Variants in UGT1A5 observed in about 807,000 individuals in gnomAD.
UGT1A5 encodes UDP glucuronosyltransferase family 1 member A5.
UGT1A5 carries 29 observed loss-of-function variants against 40.3 expected under a neutral mutation model. That is an observed-to-expected ratio of 0.72 (90% CI 0.54 to 0.98). The LOEUF (loss-of-function observed/expected upper bound fraction) is 0.98, where lower values mean the gene tolerates loss of function less well. Ranked by LOEUF, UGT1A5 falls within the 50% of genes least tolerant of loss-of-function variation. UGT1A5 has a pLI of 0.00. For synonymous variants in UGT1A5, 257 were observed against 262.5 expected, an observed-to-expected ratio of 0.98 and a Z score of 0.20; for missense variants, 678 against 677.9, an observed-to-expected ratio of 1.00 and a Z score of 0.00.
intron 1 of UGT1A5, among the ~76,000 whole-genome samples, chr2:233,745,757 G>C (rs1464205566): frequency 6.7e-6 from 1 of 150,374 alleles, no homozygotes; most frequent in Non-Finnish European, 1.5e-5. Context: ...AGCAGAAGGG[G>C]TGGAGAGGAG....
intron 1 of UGT1A5, among the ~76,000 whole-genome samples, chr2:233,726,265 C>T (rs569256499): frequency 2.6e-5 from 4 of 152,302 alleles, no homozygotes; most frequent in East Asian, 1.9e-4. Context: ...CAGTGGCATG[C>T]GCCTATGGTC....
At chr2:233,746,881 A>T (rs1422259027) in intron 1 of UGT1A5, among the ~76,000 whole-genome samples, 1 of 151,740 alleles carries the variant, frequency 6.6e-6, no homozygotes, top group Non-Finnish European at 1.5e-5. Context: ...TGGTTAACAG[A>T]GAAGTAGGAG....
At chr2:233,767,811 GTTCT>G (rs753422454) in intron 2 of UGT1A5, 34 bp from the exon 3 acceptor site, 1 of 1,614,124 alleles carries the variant, frequency 6.2e-7, no homozygotes, top group South Asian at 1.1e-5. Flanking sequence ...ATCATATTAT[GTTCT>G]TTCTTTACGT....
chr2:233,766,892 A>G (rs576495684), intron 1 of UGT1A5, 142 bp from the exon 2 acceptor site: 332 of 1,471,416 alleles, frequency 2.3e-4, no homozygotes, highest in Admixed American at 7.8e-4. Context: ...AAACTTACAT[A>G]TTAATAATTT....
chr2:233,713,072 G>C lies in UGT1A5; in HGVS notation c.81G>C (p.Glu27Asp), dbSNP rs2076275928. The C allele has an allele frequency of 6.2e-7, 1 of 1,614,210 alleles. No homozygotes were observed. The highest frequency in any genetic ancestry group is 8.5e-7 in the Non-Finnish European group (1 of 1,180,046). Residue 27 changes from glutamate (E) to aspartate (D), a missense_variant, in exon 1 of 5, where the codon GAG (glutamate) becomes GAC (aspartate). Physicochemically the swap from Glu to Asp is conservative, Grantham distance 45 (BLOSUM62 2). Transcript: ENST00000373414. ...LLLLSVQPWA[E>D]SGKVLVVPTD... ...TCCTCAGTGTCCAGCCCTGGGCTGA[G>C]AGTGGGAAGGTGCTGGTGGTGCCCA...
intron 1 of UGT1A5, among the ~76,000 whole-genome samples, chr2:233,756,943 A>G (rs1162189517): frequency 6.6e-6 from 1 of 152,066 alleles, no homozygotes; most frequent in Non-Finnish European, 1.5e-5. Context: ...CATAACCTGA[A>G]ACCCGGACTT....
chr2:233,754,591 G>T (rs1279768336), intron 1 of UGT1A5: 4 of 429,060 alleles, frequency 9.3e-6, no homozygotes, highest in South Asian at 6.6e-5. Context: ...TATTATGAAG[G>T]ACTTTAACTC....
At chr2:233,729,260 G>A (rs774974731) in intron 1 of UGT1A5, 12 of 1,613,974 alleles carry the variant, frequency 7.4e-6, no homozygotes, top group East Asian at 4.5e-5. Context: ...CTCAGCATGC[G>A]GGAGGTCTTG....
At chr2:233,733,440 C>T (rs1200700751) in intron 1 of UGT1A5, among the ~76,000 whole-genome samples, 12 of 152,030 alleles carry the variant, frequency 7.9e-5, no homozygotes, top group African/African-American at 1.5e-4. Context: ...ATATTGGCTG[C>T]GGGTTTGTCA....
At chr2:233,756,557 G>C (rs1264520005) in intron 1 of UGT1A5, among the ~76,000 whole-genome samples, 1 of 152,134 alleles carries the variant, frequency 6.6e-6, no homozygotes, top group Admixed American at 6.6e-5. Flanking sequence ...CAACCAGGGA[G>C]ATCCTCTCAG....
intron 1 of UGT1A5, among the ~76,000 whole-genome samples, chr2:233,726,759 A>G (rs763773622): frequency 6.6e-6 from 1 of 152,232 alleles, no homozygotes; most frequent in South Asian, 2.1e-4. Flanking sequence ...TGCCTACCAC[A>G]GACACTAAGC....
chr2:233,732,553 T>TAAATAAGGA (rs1454535423), intron 1 of UGT1A5, among the ~76,000 whole-genome samples: 6 of 152,230 alleles, frequency 3.9e-5, no homozygotes, highest in African/African-American at 1.4e-4. Context: ...CACCATTTAT[T>TAAATAAGGA]AAATAAGGAA....
chr2:233,713,488 C>T lies in UGT1A5; in HGVS notation c.497C>T (p.Ser166Leu), dbSNP rs758374226. 11 of 1,613,830 alleles carry T rather than the reference C, an allele frequency of 6.8e-6. No homozygotes were observed. Among genetic ancestry groups the T allele is most frequent in the Admixed American group, 5.0e-5 (3 of 59,984 alleles). ...LCAAVLAKYL[S>L]IPAVFFLRNI... ...GCGGCGGTGCTGGCTAAGTACCTGTCGATTCCTGCTGTGTTTTTCTTGAGG... is the reference window on the plus strand; with the variant it reads ...GCGGCGGTGCTGGCTAAGTACCTGTTGATTCCTGCTGTGTTTTTCTTGAGG... The change falls in exon 1 of 5, where the codon TCG becomes TTG. Residue 166 changes from serine to leucine, a missense_variant. By Grantham distance (145) the Ser-to-Leu change is moderately radical (BLOSUM62 -2). Coordinates refer to ENST00000373414, the MANE Select transcript of UGT1A5 (RefSeq NM_019078.2).
At chr2:233,734,961 G>T (rs2078591485) in intron 1 of UGT1A5, among the ~76,000 whole-genome samples, 1 of 152,202 alleles carries the variant, frequency 6.6e-6, no homozygotes, top group South Asian at 2.1e-4. Flanking sequence ...GAATAAGTGT[G>T]ATGTGGTGCT....
intron 1 of UGT1A5, chr2:233,719,562 C>T (rs1164668665): frequency 6.2e-7 from 1 of 1,613,782 alleles, no homozygotes; most frequent in African/African-American, 1.3e-5. Context: ...AGTGGTGGAT[C>T]TTGTCAGCTA....
intron 1 of UGT1A5, among the ~76,000 whole-genome samples, chr2:233,749,081 G>A (rs958459779): frequency 6.6e-6 from 1 of 151,758 alleles, no homozygotes; most frequent in African/African-American, 2.4e-5. Flanking sequence ...TCCTTGGTGT[G>A]CCATGTATTT....
intron 1 of UGT1A5, among the ~76,000 whole-genome samples, chr2:233,759,549 T>A (rs1172160092): frequency 6.6e-6 from 1 of 152,280 alleles, no homozygotes; most frequent in South Asian, 2.1e-4. Context: ...TGCGCTCCAG[T>A]GAATTTCCCT....
At chr2:233,741,073 T>C (rs1691558137) in intron 1 of UGT1A5, among the ~76,000 whole-genome samples, 1 of 151,920 alleles carries the variant, frequency 6.6e-6, no homozygotes, top group South Asian at 2.1e-4. Context: ...AGCGAGACCC[T>C]GTCTTTAAAA....
In UGT1A5 at chr2:233,772,954, T is replaced by C; in HGVS notation, c.*395T>C. 6.3e-6 allele frequency: 2 copies of C among 319,870 alleles called. No individual in the cohort carries two copies. Among genetic ancestry groups the C allele is most frequent in the Non-Finnish European group, 1.2e-5 (2 of 168,958 alleles). 19.8% of individuals were successfully genotyped at this position (319,870 alleles called of 1,614,324 possible). ...CTTATCTTTTGGCTTCTGCAGATGG[T>C]TGCAATTGATCCTTAACCAATAATG... On this transcript the variant is annotated 3_prime_UTR_variant, in exon 5 of 5. Transcript: ENST00000373414.
Sources: allele counts gnomAD v4.1 joint callset (sites outside exome capture counted in the v4.1 genomes callset), GRCh38; gene constraint gnomAD v4.1.1; transcripts MANE v1.5; gene names NCBI Gene and HGNC (gene_info 2026-07-23, HGNC 2026-07-21).